The following MIS18BP1 variants were observed in gnomAD, a reference collection of about 807,000 sequenced individuals.
MIS18BP1 encodes MIS18 binding protein 1.
MIS18BP1 carries 72 observed loss-of-function variants against 116.1 expected under a neutral mutation model. That is an observed-to-expected ratio of 0.62 (90% CI 0.51 to 0.75). The LOEUF is 0.75. Among genes scored for constraint, MIS18BP1 ranks in the 30% least tolerant of loss-of-function variants. MIS18BP1 has a pLI of 0.00. For synonymous variants in MIS18BP1, 386 were observed against 427.0 expected, an observed-to-expected ratio of 0.90 and a Z score of 1.18; for missense variants, 1,363 against 1,303.2, an observed-to-expected ratio of 1.05 and a Z score of -0.71.
chr14:45,234,170 G>A (rs1383511461), intron 6 of MIS18BP1, among the ~76,000 whole-genome samples: 4 of 151,864 alleles, frequency 2.6e-5, no homozygotes, highest in Non-Finnish European at 4.4e-5. Context: ...GGAGGCCACT[G>A]GTGACTTTGA....
Position 45,217,169 on chromosome 14 carries a change from A to G in MIS18BP1, c.2853T>C (p.Gly951=), listed in dbSNP as rs760561310. The G allele has an allele frequency of 1.9e-6, 3 of 1,613,674 alleles. No homozygotes were observed. Among genetic ancestry groups the G allele is most frequent in the Non-Finnish European group, 2.5e-6 (3 of 1,179,926 alleles). The stretch of plus-strand genomic sequence containing the variant: ...TAATAGTTTGTTTCTGATCAGCATC[A>G]CCTCTCTTGCCTTAAGAGTCAGCAA... ...ANSKGQNGKR[G]DADQKQTIKI... is the part of the protein sequence containing the mutation. The change falls in exon 13 of 17, where the codon GGT becomes GGC. Residue 951 remains glycine, a synonymous_variant. Transcript: ENST00000310806.
In MIS18BP1 at chr14:45,232,942, T is replaced by C. The variant is rs527445964; in HGVS notation, c.1349-122A>G. The C allele has an allele frequency of 6.9e-6, 4 of 578,048 alleles. No individual in the cohort carries two copies. The African/African-American group carries it at 7.7e-5, about 11-fold the overall frequency. The allele number at this position is 578,048 out of a possible 1,614,324, so 35.8% of individuals were successfully genotyped here. ...TTGCTTAATATGTGCCAGGTACTAT[T>C]ATAGATATTCAGAATTCGGCAGTAA... On this transcript the variant is annotated intron_variant, in intron 6 of 16. Coordinates refer to ENST00000310806, the MANE Select transcript of MIS18BP1 (RefSeq NM_018353.5).
rs1316585989 is a variant in MIS18BP1 at position 45,224,516 on chromosome 14, G to A, written c.2071C>T (p.Pro691Ser). 1.2e-6 allele frequency: 2 copies of A among 1,611,396 alleles called. No homozygotes were observed. The highest frequency in any genetic ancestry group is 2.7e-5 in the African/African-American group (2 of 74,662). The stretch of plus-strand genomic sequence containing the variant: ...AAAGTCCCCATGGACTTGCTGATGG[G>A]ACTTTTTTTTTGACACTCTGGTATT... ...FVIPECQKKS[P>S]ISKSMGTLEN... Residue 691 changes from proline (P) to serine (S), a missense_variant, in exon 11 of 17, where the codon CCC (proline) becomes TCC (serine). Physicochemically the swap from Pro to Ser is moderately conservative, Grantham distance 74. Coordinates refer to ENST00000310806, the MANE Select transcript of MIS18BP1 (RefSeq NM_018353.5).
chr14:45,249,074 G>GT (rs61518693), intron 1 of MIS18BP1, among the ~76,000 whole-genome samples: 10,602 of 142,180 alleles, frequency 0.075, 417 homozygotes, highest in South Asian at 0.097. Context: ...CCTCAGCTAT[G>GT]TTTTTTTTTT....
intron 6 of MIS18BP1, among the ~76,000 whole-genome samples, 170 bp downstream of exon 6, chr14:45,235,644 G>A (rs555513892): frequency 1.2e-4 from 18 of 149,360 alleles, no homozygotes; most frequent in African/African-American, 4.4e-4. Context: ...GTCAATAAGA[G>A]TGATAAAAAT....
At chr14:45,204,258 C>T (rs1890448696) in intron 16 of MIS18BP1, 46 bp from the exon 17 acceptor site, 1 of 1,554,794 alleles carries the variant, frequency 6.4e-7, no homozygotes, top group Non-Finnish European at 8.7e-7. Context: ...TCTAAAAGTA[C>T]TTTCAATAAA....
chr14:45,208,302 A>G (rs1270387597), intron 14 of MIS18BP1, among the ~76,000 whole-genome samples: 3 of 151,538 alleles, frequency 2.0e-5, no homozygotes, highest in Non-Finnish European at 4.4e-5. Context: ...AGTGTCTAAT[A>G]AAATTCAACG....
chr14:45,211,927 C>T (rs1440654810), intron 13 of MIS18BP1, among the ~76,000 whole-genome samples: 15 of 152,200 alleles, frequency 9.9e-5, no homozygotes, highest in Non-Finnish European at 1.5e-5. Context: ...TTGAAGAAGT[C>T]GACAAATGTT....
At chr14:45,227,997 T>C (rs1294405978) in intron 8 of MIS18BP1, among the ~76,000 whole-genome samples, 183 bp from the exon 9 acceptor site, 1 of 152,016 alleles carries the variant, frequency 6.6e-6, no homozygotes, top group South Asian at 2.1e-4. Flanking sequence ...GGCAAAATAG[T>C]GATACACTGA....
chr14:45,232,846 A>C, intron 6 of MIS18BP1, 26 bp from the exon 7 acceptor site: 1 of 1,046,198 alleles, frequency 9.6e-7, no homozygotes, highest in Non-Finnish European at 1.4e-6. Flanking sequence ...CAACAACAAA[A>C]AGTATTTAAA....
chr14:45,227,549 G>GAAAAA, intron 9 of MIS18BP1, 114 bp downstream of exon 9: 24 of 645,788 alleles, frequency 3.7e-5, no homozygotes, highest in South Asian at 7.7e-5. Flanking sequence ...CATCTCAAAA[G>GAAAAA]AAAAAAAAAA....
intron 13 of MIS18BP1, among the ~76,000 whole-genome samples, chr14:45,214,638 G>C (rs954321248): frequency 1.3e-5 from 2 of 152,138 alleles, no homozygotes; most frequent in South Asian, 4.1e-4. Flanking sequence ...CCAGTCTGTC[G>C]TCCCACCTGT....
chr14:45,246,576 C>T (rs1301989067), intron 2 of MIS18BP1, among the ~76,000 whole-genome samples, 167 bp downstream of exon 2: 3 of 152,172 alleles, frequency 2.0e-5, no homozygotes, highest in African/African-American at 7.2e-5. Context: ...ATAAAAATTA[C>T]TTATTTAATA....
Position 45,203,735 on chromosome 14 carries a change from C to T in MIS18BP1, c.*374G>A, listed in dbSNP as rs1890428241. 6.5e-6 allele frequency: 1 copy of T among 154,858 alleles called. No homozygotes were observed. Among genetic ancestry groups the T allele is most frequent in the Non-Finnish European group, 1.4e-5 (1 of 70,138 alleles). 9.6% of individuals were successfully genotyped at this position (154,858 alleles called of 1,614,324 possible). On this transcript the variant is annotated 3_prime_UTR_variant, in exon 17 of 17. Coordinates refer to ENST00000310806, the MANE Select transcript of MIS18BP1 (RefSeq NM_018353.5). ...ATGAATTCAATAGCTACCAATACAA[C>T]CTCTGTCATCCTTCTCACCTTCTCT... is the stretch of plus-strand genomic sequence containing the variant.
chr14:45,231,231 T>C lies in MIS18BP1; in HGVS notation c.1504A>G (p.Arg502Gly), dbSNP rs1594516816. Reference sequence around the variant, plus strand: ...CGTGCATCATTTTTCATTGATTTCCTTATGTCACGGACAGATCTTCCAGTT... The same window carrying C: ...CGTGCATCATTTTTCATTGATTTCCCTATGTCACGGACAGATCTTCCAGTT... ...QKTGRSVRDIRKSMKNDAREN... is the reference protein window; with the variant it reads ...QKTGRSVRDIGKSMKNDAREN... The change falls in exon 8 of 17, where the codon AGG (arginine) becomes GGG (glycine). Residue 502 changes from arginine (R) to glycine (G), a missense_variant. Arg to Gly is a moderately radical substitution (Grantham distance 125). Coordinates refer to ENST00000310806, the MANE Select transcript of MIS18BP1 (RefSeq NM_018353.5). 4 of 1,613,958 alleles carry C rather than the reference T, an allele frequency of 2.5e-6. No individual in the cohort carries two copies. Among genetic ancestry groups the C allele is most frequent in the East Asian group, 4.5e-5 (2 of 44,868 alleles).
At chr14:45,227,613 C>A in intron 9 of MIS18BP1, 50 bp downstream of exon 9, 1 of 1,467,322 alleles carries the variant, frequency 6.8e-7, no homozygotes, top group Non-Finnish European at 9.3e-7. Context: ...AGTAGTAAAT[C>A]ACCCTTCTAA....
In MIS18BP1 at chr14:45,204,002, T is replaced by A. The variant is rs1231394555; in HGVS notation, c.*107A>T. The A allele has an allele frequency of 8.9e-6, 13 of 1,457,204 alleles. No homozygotes were observed. The highest frequency in any genetic ancestry group is 1.2e-5 in the Non-Finnish European group (13 of 1,100,410). 90.3% of individuals were successfully genotyped at this position (1,457,204 alleles called of 1,614,324 possible). ...TATGAAACCTTCAAAAAAGTCCACATTTTCATAGGAAGCTACTTTACAAAG... is the reference window on the plus strand; with the variant it reads ...TATGAAACCTTCAAAAAAGTCCACAATTTCATAGGAAGCTACTTTACAAAG... On this transcript the variant is annotated 3_prime_UTR_variant, in exon 17 of 17. Coordinates refer to ENST00000310806, the MANE Select transcript of MIS18BP1 (RefSeq NM_018353.5).
intron 14 of MIS18BP1, among the ~76,000 whole-genome samples, chr14:45,208,223 GTCATTC>G (rs1890573301): frequency 6.6e-6 from 1 of 151,458 alleles, no homozygotes; most frequent in Non-Finnish European, 1.5e-5. Context: ...GGATGTTTTG[GTCATTC>G]TCAAACTTTC....
chr14:45,220,592 T>C (rs1890946022), intron 11 of MIS18BP1, among the ~76,000 whole-genome samples: 1 of 152,170 alleles, frequency 6.6e-6, no homozygotes, highest in African/African-American at 2.4e-5. Flanking sequence ...AATCATATAG[T>C]GTATAACCCT....
Sources: gnomAD v4.1 joint callset for allele counts (sites outside exome capture counted in the v4.1 genomes callset) on GRCh38, gnomAD v4.1.1 for gene constraint, MANE v1.5 for transcripts, NCBI Gene and HGNC (gene_info 2026-07-23, HGNC 2026-07-21) for gene names.